Variants in SFMBT1 observed in about 807,000 individuals in gnomAD.
SFMBT1 encodes Scm like with four mbt domains 1, also known as scm-like with four MBT domains protein 1.
Under a neutral mutation model 108.7 loss-of-function variants are expected in SFMBT1, and 32 were observed. That is an observed-to-expected ratio of 0.29 (90% confidence interval 0.22 to 0.40). SFMBT1 has a LOEUF of 0.40. Among genes scored for constraint, SFMBT1 ranks in the 10% least tolerant of loss-of-function variants. The probability of loss-of-function intolerance (pLI) is 1.00; values close to 1 mark genes in which losing one functional copy is unlikely to be tolerated. For synonymous variants in SFMBT1, 348 were observed against 369.5 expected (o/e 0.94, Z 0.67); for missense variants, 816 against 1,059.6 (o/e 0.77, Z 3.19).
intron 9 of SFMBT1, among the ~76,000 whole-genome samples, 161 bp downstream of exon 9, chr3:52,928,030 T>C (rs147463658): frequency 6.6e-6 from 1 of 152,292 alleles, no homozygotes; most frequent in Non-Finnish European, 1.5e-5. Context: ...TGTAAATACA[T>C]GGAATCTAGA....
intron 2 of SFMBT1, among the ~76,000 whole-genome samples, chr3:52,962,203 AT>A (rs1053780993): frequency 3.3e-5 from 5 of 152,222 alleles, no homozygotes. Context: ...TTACATATGT[AT>A]TTACCTTTTG....
At chr3:52,931,141 T>C (rs1372722344) in intron 6 of SFMBT1, 106 bp from the exon 7 acceptor site, 18 of 996,820 alleles carry the variant, frequency 1.8e-5, no homozygotes, top group Non-Finnish European at 2.8e-5. Context: ...CCACTGGAAC[T>C]AGAAAAGGGT....
intron 1 of SFMBT1, among the ~76,000 whole-genome samples, chr3:52,989,435 A>AAAAGAAAG (rs60383345): frequency 6.3e-4 from 87 of 137,794 alleles, no homozygotes; most frequent in African/African-American, 2.2e-3. Flanking sequence ...AAAAAAAAAA[A>AAAAGAAAG]AAAGAAAGAA....
chr3:52,913,694 G>A lies in SFMBT1; in HGVS notation c.1481-77C>T, dbSNP rs1702269719. ...TTTCCAAAGCTGAACTGCCAGGGAA[G>A]AAAAACGAAGCACATGTACCATTAT... On this transcript the variant is annotated intron_variant, in intron 14 of 20. Coordinates refer to ENST00000394752, the MANE Select transcript of SFMBT1 (RefSeq NM_016329.4). 3.4e-6 allele frequency: 5 copies of A among 1,479,998 alleles called. No individual in the cohort carries two copies. In the East Asian group the frequency reaches 9.2e-5, roughly 27 times the overall value. The allele number at this position is 1,479,998 out of a possible 1,614,324, so 91.7% of individuals were successfully genotyped here.
At chr3:52,995,499 C>T (rs1232366555) in intron 1 of SFMBT1, among the ~76,000 whole-genome samples, 1 of 150,074 alleles carries the variant, frequency 6.7e-6, no homozygotes, top group Non-Finnish European at 1.5e-5. Context: ...AAATAATCCT[C>T]CCATTCTCAG....
chr3:52,920,812 C>T (rs1260051297), intron 11 of SFMBT1, among the ~76,000 whole-genome samples, 162 bp from the exon 12 acceptor site: 1 of 151,874 alleles, frequency 6.6e-6, no homozygotes, highest in African/African-American at 2.4e-5. Flanking sequence ...GTATGATAAA[C>T]ATTATGAAAA....
chr3:52,953,914 G>A (rs923252097), intron 3 of SFMBT1, among the ~76,000 whole-genome samples: 10 of 152,034 alleles, frequency 6.6e-5, no homozygotes, highest in African/African-American at 9.7e-5. Flanking sequence ...AGGATCACGC[G>A]GTCAGGAGAT....
At chr3:52,910,154 C>CCT (rs1559507077) in intron 17 of SFMBT1, among the ~76,000 whole-genome samples, 3 of 152,146 alleles carry the variant, frequency 2.0e-5, no homozygotes, top group Non-Finnish European at 4.4e-5. Context: ...CCTTGCTTCA[C>CCT]TGTTCCCCAC....
intron 2 of SFMBT1, among the ~76,000 whole-genome samples, chr3:52,966,005 CAA>C (rs775989805): frequency 2.5e-4 from 14 of 55,040 alleles, no homozygotes; most frequent in African/African-American, 1.0e-3. Context: ...GACTCCGTTT[CAA>C]AAAAAAAAAA....
intron 3 of SFMBT1, among the ~76,000 whole-genome samples, 163 bp downstream of exon 3, chr3:52,954,154 G>T (rs1703696948): frequency 6.6e-6 from 1 of 151,862 alleles, no homozygotes; most frequent in African/African-American, 2.4e-5. Context: ...AAAAAATAAA[G>T]AATATGGCAA....
intron 4 of SFMBT1, among the ~76,000 whole-genome samples, chr3:52,940,059 T>G (rs1703135151): frequency 6.6e-6 from 1 of 152,242 alleles, no homozygotes; most frequent in South Asian, 2.1e-4. Flanking sequence ...CTTTTTTCAC[T>G]GTAATAATCT....
At chr3:53,029,072 C>A (rs1355256864) in intron 1 of SFMBT1, among the ~76,000 whole-genome samples, 1 of 150,034 alleles carries the variant, frequency 6.7e-6, no homozygotes, top group African/African-American at 2.5e-5. Context: ...ACTCGGGAGG[C>A]TGAGGCAGGA....
At chr3:53,008,699 A>C (rs1449497259) in intron 1 of SFMBT1, among the ~76,000 whole-genome samples, 1 of 150,050 alleles carries the variant, frequency 6.7e-6, no homozygotes, top group Non-Finnish European at 1.5e-5. Context: ...GGCGCGATCT[A>C]AGCTCACTGC....
chr3:52,928,083 A>T (rs1327729031), intron 9 of SFMBT1, 108 bp downstream of exon 9: 38 of 1,382,536 alleles, frequency 2.7e-5, no homozygotes, highest in Non-Finnish European at 3.7e-5. Flanking sequence ...CGTTAGGAAC[A>T]GGCTAGGGCA....
Position 52,936,893 on chromosome 3 carries a change from C to CTTT in SFMBT1, c.365-1995_365-1993dup, listed in dbSNP as rs5848969. Among the ~76,000 whole-genome samples the CTTT allele has an allele frequency of 9.1e-4, 105 of 114,970 alleles. 2 individuals are homozygous for CTTT. Among genetic ancestry groups the CTTT allele is most frequent in the African/African-American group, 2.9e-3 (90 of 31,486 alleles). 75.4% of individuals were successfully genotyped at this position (114,970 alleles called of 152,430 possible). ...AATCCTAGTTCTCAATTACACATTTCTTTTTTTTTTTTTTTTTTGAGACAG... is the reference window on the plus strand; with the variant it reads ...AATCCTAGTTCTCAATTACACATTTCTTTTTTTTTTTTTTTTTTTTTGAGACAG... On this transcript the variant is annotated intron_variant, in intron 4 of 20. Transcript: ENST00000394752.
chr3:52,911,906 G>C (rs1702223733), intron 16 of SFMBT1, among the ~76,000 whole-genome samples: 1 of 151,936 alleles, frequency 6.6e-6, no homozygotes, highest in Admixed American at 6.6e-5. Flanking sequence ...CACTATGTTG[G>C]CCAGGCTGGT....
chr3:52,995,684 G>A (rs1698300966), intron 1 of SFMBT1, among the ~76,000 whole-genome samples: 1 of 150,094 alleles, frequency 6.7e-6, no homozygotes, highest in African/African-American at 2.4e-5. Flanking sequence ...ACAAGTGTGA[G>A]CTATTGCACC....
At chr3:52,928,106 C>T in intron 9 of SFMBT1, 85 bp downstream of exon 9, 1 of 1,530,290 alleles carries the variant, frequency 6.5e-7, no homozygotes, top group South Asian at 1.3e-5. Flanking sequence ...AGGAGAGGGA[C>T]AAAAGATTTC....
At chr3:52,995,749 T>C (rs1698303144) in intron 1 of SFMBT1, among the ~76,000 whole-genome samples, 1 of 149,808 alleles carries the variant, frequency 6.7e-6, no homozygotes, top group South Asian at 2.1e-4. Context: ...AACAATAAAT[T>C]GGGACTGTAT....
Sources: gnomAD v4.1 joint callset for allele counts (sites outside exome capture counted in the v4.1 genomes callset) on GRCh38, gnomAD v4.1.1 for gene constraint, MANE v1.5 for transcripts, NCBI Gene and HGNC (gene_info 2026-07-23, HGNC 2026-07-21) for gene names.